The following AFF3 variants were observed in gnomAD, a reference collection of about 807,000 sequenced individuals.
AFF3 encodes the protein ALF transcription elongation factor 3, also known as AF4/FMR2 family member 3.
AFF3 carries 32 observed loss-of-function variants against 129.7 expected under a neutral mutation model. The ratio of observed to expected loss-of-function variants is 0.25; its 90% confidence interval spans 0.19 to 0.33. The LOEUF is 0.33. AFF3 is among the 10% of genes least tolerant of loss of function. AFF3 has a pLI of 1.00. For missense variants in AFF3, 1,373 were observed against 1,592.0 expected (o/e 0.86, Z 2.34); for synonymous variants, 644 against 635.4 (o/e 1.01, Z -0.20).
intron 7 of AFF3, among the ~76,000 whole-genome samples, chr2:99,960,167 G>A (rs2104312679): frequency 6.6e-6 from 1 of 152,222 alleles, no homozygotes; most frequent in South Asian, 2.1e-4. Context: ...TAATAGAGTA[G>A]CACAATCAAG....
At chr2:100,092,761 T>C (rs1335512173) in intron 4 of AFF3, among the ~76,000 whole-genome samples, 1 of 151,898 alleles carries the variant, frequency 6.6e-6, no homozygotes, top group Non-Finnish European at 1.5e-5. Context: ...CTAACTCTTA[T>C]CCTTCCTTTA....
intron 16 of AFF3, among the ~76,000 whole-genome samples, chr2:99,583,900 A>G (rs753832880): frequency 6.6e-6 from 1 of 150,440 alleles, no homozygotes. Context: ...ACGGGGTTTC[A>G]CCATGTCAGC....
intron 7 of AFF3, among the ~76,000 whole-genome samples, chr2:99,850,499 G>C (rs769824008): frequency 1.7e-4 from 26 of 152,160 alleles, no homozygotes; most frequent in Non-Finnish European, 2.9e-4. Context: ...TGAACTAATG[G>C]GGGAAAGTCC....
intron 12 of AFF3, among the ~76,000 whole-genome samples, chr2:99,666,694 G>A (rs1686703245): frequency 1.3e-5 from 2 of 152,234 alleles, no homozygotes; most frequent in African/African-American, 4.8e-5. Context: ...TAGGCTGAAA[G>A]TAAAAGAATG....
chr2:99,765,318 C>T (rs1268918272), intron 8 of AFF3, among the ~76,000 whole-genome samples: 4 of 152,204 alleles, frequency 2.6e-5, no homozygotes, highest in Non-Finnish European at 5.9e-5. Context: ...GTGAAAATTA[C>T]ATTCTTGGCC....
chr2:99,884,018 T>C (rs1427239355), intron 7 of AFF3, among the ~76,000 whole-genome samples: 1 of 152,194 alleles, frequency 6.6e-6, no homozygotes, highest in African/African-American at 2.4e-5. Context: ...GAAATTTGTG[T>C]GCAGTCACGG....
intron 21 of AFF3, among the ~76,000 whole-genome samples, chr2:99,559,553 A>G (rs1401424027): frequency 4.6e-5 from 7 of 152,350 alleles, no homozygotes; most frequent in Middle Eastern, 3.4e-3. Flanking sequence ...TCAGTATTCT[A>G]TCTTATATAA....
intron 7 of AFF3, among the ~76,000 whole-genome samples, chr2:99,941,332 C>A (rs1028851002): frequency 1.3e-5 from 2 of 152,158 alleles, no homozygotes; most frequent in Non-Finnish European, 2.9e-5. Flanking sequence ...AAAGGCTTCA[C>A]CTGAAAGAAA....
intron 2 of AFF3, chr2:100,107,507 T>G: frequency 1.0e-6 from 1 of 985,234 alleles, no homozygotes; most frequent in Non-Finnish European, 1.2e-6. Flanking sequence ...TAGAGTGATG[T>G]TTTCTATGAA....
intron 7 of AFF3, among the ~76,000 whole-genome samples, chr2:99,915,805 T>C (rs902885691): frequency 2.0e-5 from 3 of 152,192 alleles, no homozygotes; most frequent in Non-Finnish European, 4.4e-5. Context: ...CTTTTTGGGA[T>C]TTAAATATCT....
chr2:99,938,195 C>T (rs531021469), intron 7 of AFF3, among the ~76,000 whole-genome samples: 11 of 152,194 alleles, frequency 7.2e-5, no homozygotes, highest in Non-Finnish European at 1.6e-4. Context: ...TACTGAGCAC[C>T]TACCAATGAA....
rs184353476 is a variant in AFF3, at chr2:99,971,802, A to G, written c.873+34830T>C. 8.9e-4 allele frequency among the ~76,000 whole-genome samples: 136 copies of G among 152,340 alleles called. 1 individual carries two copies. The highest frequency in any genetic ancestry group is 1.6e-3 in the Non-Finnish European group (108 of 68,030). ...AAAAATGAGCGACAAGAGTCAATGCATTAGTTAGAGGCTTCAGCTCAGTAT... is the reference window on the plus strand; with the variant it reads ...AAAAATGAGCGACAAGAGTCAATGCGTTAGTTAGAGGCTTCAGCTCAGTAT... On this transcript the variant is annotated intron_variant, in intron 7 of 24. Coordinates refer to ENST00000672756, the MANE Select transcript of AFF3 (RefSeq NM_001386135.1).
intron 7 of AFF3, among the ~76,000 whole-genome samples, chr2:99,874,108 T>C (rs1351457272): frequency 2.6e-5 from 4 of 151,688 alleles, no homozygotes; most frequent in Non-Finnish European, 5.9e-5. Flanking sequence ...ACCCGGGAGG[T>C]GGAGCTTACA....
intron 4 of AFF3, among the ~76,000 whole-genome samples, chr2:100,095,646 A>G (rs997424544): frequency 9.9e-5 from 15 of 152,224 alleles, no homozygotes; most frequent in South Asian, 6.2e-4. Context: ...TTCAATGTCT[A>G]CTTCAGAGAA....
chr2:99,791,494 G>C (rs77300851), intron 8 of AFF3, among the ~76,000 whole-genome samples: 2 of 152,176 alleles, frequency 1.3e-5, no homozygotes, highest in African/African-American at 4.8e-5. Context: ...TTTCCCTGGC[G>C]CCTGAACGTT....
At chr2:99,825,846 G>A (rs189421416) in intron 8 of AFF3, among the ~76,000 whole-genome samples, 20 of 152,262 alleles carry the variant, frequency 1.3e-4, no homozygotes, top group Admixed American at 5.2e-4. Context: ...TGTACAATGT[G>A]TTCTAATGCT....
chr2:99,798,412 C>A (rs772153521), intron 8 of AFF3, among the ~76,000 whole-genome samples: 6 of 151,698 alleles, frequency 4.0e-5, no homozygotes, highest in African/African-American at 1.5e-4. Context: ...ATTATTGATA[C>A]GGTTAGGATT....
intron 2 of AFF3, among the ~76,000 whole-genome samples, chr2:100,126,455 C>T (rs535546031): frequency 6.6e-6 from 1 of 152,298 alleles, no homozygotes; most frequent in Non-Finnish European, 1.5e-5. Context: ...TCACAGAGCA[C>T]AAATGCTGCA....
chr2:99,608,278 T>C (rs1274561843), intron 13 of AFF3, among the ~76,000 whole-genome samples: 4 of 152,186 alleles, frequency 2.6e-5, no homozygotes, highest in African/African-American at 9.7e-5. Flanking sequence ...TCTGCAGGAC[T>C]GAGTGGCTAT....
Sources: allele counts gnomAD v4.1 joint callset (sites outside exome capture counted in the v4.1 genomes callset), GRCh38; gene constraint gnomAD v4.1.1; transcripts MANE v1.5; gene names NCBI Gene and HGNC (gene_info 2026-07-23, HGNC 2026-07-21).